Variants in UAP1L1 observed in about 807,000 individuals in gnomAD.
The protein encoded by UAP1L1 is UDP-N-acetylglucosamine pyrophosphorylase 1 like 1.
In UAP1L1, 45 loss-of-function variants were observed where a neutral mutation model predicts 45.3. The observed-to-expected ratio is 0.99, with a 90% CI of 0.78 to 1.27. The LOEUF is 1.27. Among genes scored for constraint, UAP1L1 ranks in the 50% most tolerant of loss-of-function variants. The pLI, the probability that UAP1L1 is intolerant of heterozygous loss-of-function variation, is 0.00. For synonymous variants in UAP1L1, 323 were observed against 303.9 expected, an observed-to-expected ratio of 1.06 and a Z score of -0.65; for missense variants, 667 against 694.0, an observed-to-expected ratio of 0.96 and a Z score of 0.44.
chr9:137,081,925 CG>C (rs1415771117), intron 7 of UAP1L1, 72 bp from the exon 8 acceptor site: 21 of 1,390,536 alleles, frequency 1.5e-5, no homozygotes, highest in Non-Finnish European at 5.0e-6. Flanking sequence ...AGTCTCCTAT[CG>C]GGACTGGGGG....
rs1341344545 is a variant in UAP1L1 at position 137,083,118 on chromosome 9, C to T, written c.*389C>T. The T allele has an allele frequency of 4.7e-6, 1 of 211,070 alleles. No homozygotes were observed. The highest frequency in any genetic ancestry group is 9.9e-6 in the Non-Finnish European group (1 of 100,850). The allele number at this position is 211,070 out of a possible 1,614,324, so 13.1% of individuals were successfully genotyped here. A position where few individuals can be genotyped will look rare whatever the true frequency, so the allele number is the denominator to read the frequency against. On this transcript the variant is annotated 3_prime_UTR_variant, in exon 9 of 9. Transcript: ENST00000409858. ...GTGTCATCTGGGGAGAACAGGAGGG[C>T]ATGTCCCTTTGGGAGCCCGCCTTGT...
rs530235633 is a variant in UAP1L1 at position 137,080,744 on chromosome 9, G to A, written c.1234G>A (p.Ala412Thr). The change falls in exon 7 of 9, where the codon GCA becomes ACA. Residue 412 changes from alanine to threonine, a missense_variant. Ala to Thr is a moderately conservative substitution (Grantham distance 58, BLOSUM62 0). Coordinates refer to ENST00000409858, the MANE Select transcript of UAP1L1 (RefSeq NM_207309.3). Reference sequence around the variant, plus strand: ...GGAGGAATTTTCCCCACTGAAGAACGCAGAGCCAGCCGACAGGGACAGTCC... The same window carrying A: ...GGAGGAATTTTCCCCACTGAAGAACACAGAGCCAGCCGACAGGGACAGTCC... ...REEEFSPLKNAEPADRDSPRT... is the reference protein window; with the variant it reads ...REEEFSPLKNTEPADRDSPRT... 4.1e-5 allele frequency: 66 copies of A among 1,612,756 alleles called. 2 individuals carry two copies. The highest frequency in any genetic ancestry group is 3.7e-4 in the South Asian group (34 of 91,070).
In UAP1L1 at chr9:137,082,708, G is replaced by T. The variant is rs983724320; in HGVS notation, c.1503G>T (p.Glu501Asp). 2 of 1,550,710 alleles carry T rather than the reference G, an allele frequency of 1.3e-6. No homozygotes were observed. The highest frequency in any genetic ancestry group is 3.9e-5 in the Admixed American group (2 of 51,106). The change falls in exon 9 of 9, where the codon GAG becomes GAT. Residue 501 changes from glutamate to aspartate, a missense_variant. By Grantham distance (45) the Glu-to-Asp change is conservative. Coordinates refer to ENST00000409858, the MANE Select transcript of UAP1L1 (RefSeq NM_207309.3). This position sits in a 1 kb window ranked among gnomAD's most constrained non-coding sequence, Gnocchi z 5.7. ...TCCTGGATGAAGACCAGGCCAGGGA[G>T]CCGCAGCTGCAGGAGTCCTGACCCG... ...PLILDEDQAREPQLQES is the reference protein window; with the variant it reads ...PLILDEDQARDPQLQES
intron 4 of UAP1L1, 43 bp from the exon 5 acceptor site, chr9:137,079,213 C>T (rs1832749954): frequency 4.4e-6 from 7 of 1,595,432 alleles, no homozygotes; most frequent in African/African-American, 2.7e-5. Context: ...GAGCCCCGCC[C>T]CTCCGCCCAG....
rs1832799368 is a variant in UAP1L1 at position 137,082,228 on chromosome 9, T to TG, written c.1431+168dup. On this transcript the variant is annotated intron_variant, in intron 8 of 8. Transcript: ENST00000409858. The surrounding 1 kb of genome is among the most constrained non-coding windows in gnomAD (Gnocchi z 5.7). ...AGACTTTCCAAGATATGGGTTGGGG[T>TG]GGGGTGAGGCATCCAGAGGCCTTTG... 1 of 710,108 alleles carries TG rather than the reference T, an allele frequency of 1.4e-6. No individual in the cohort carries two copies. Among genetic ancestry groups the TG allele is most frequent in the African/African-American group, 1.8e-5 (1 of 56,558 alleles). 44.0% of individuals were successfully genotyped at this position (710,108 alleles called of 1,614,324 possible). A position where few individuals can be genotyped will look rare whatever the true frequency, so the allele number is the denominator to read the frequency against.
At position 137,082,813 on chromosome 9, in the gene UAP1L1, C is replaced by T; in HGVS notation, c.*84C>T. 8.4e-7 allele frequency: 1 copy of T among 1,197,338 alleles called. No individual in the cohort carries two copies. The highest frequency in any genetic ancestry group is 1.2e-6 in the Non-Finnish European group (1 of 845,766). 74.2% of individuals were successfully genotyped at this position (1,197,338 alleles called of 1,614,324 possible). On this transcript the variant is annotated 3_prime_UTR_variant, in exon 9 of 9. Transcript: ENST00000409858. This position sits in a 1 kb window ranked among gnomAD's most constrained non-coding sequence, Gnocchi z 5.7. ...CCCGACTCCCCCCAGACCTGCCAGC[C>T]CCGGCGTCCTGGAGCTGGGGGCTAC...
chr9:137,078,379 G>A (rs374118752), intron 2 of UAP1L1, 123 bp from the exon 3 acceptor site: 1 of 1,575,738 alleles, frequency 6.3e-7, no homozygotes, highest in Non-Finnish European at 8.6e-7. Flanking sequence ...GGCCCAAAAT[G>A]GGGCCTGGCC....
intron 3 of UAP1L1, 43 bp from the exon 4 acceptor site, chr9:137,078,933 T>G: frequency 1.9e-6 from 3 of 1,549,388 alleles, no homozygotes; most frequent in Non-Finnish European, 2.6e-6. Context: ...GAGCGATCCC[T>G]GGCGGGAGCC....
In UAP1L1 at chr9:137,083,103, G is replaced by A. The variant is rs1036115115; in HGVS notation, c.*374G>A. ...CCCAAGGGAGGTGTGGTGTCATCTG[G>A]GGAGAACAGGAGGGCATGTCCCTTT... On this transcript the variant is annotated 3_prime_UTR_variant, in exon 9 of 9. Transcript: ENST00000409858. 4.1e-5 allele frequency: 10 copies of A among 242,672 alleles called. No homozygotes were observed. The highest frequency in any genetic ancestry group is 8.9e-5 in the Admixed American group (2 of 22,370). 15.0% of individuals were successfully genotyped at this position (242,672 alleles called of 1,614,324 possible). A position where few individuals can be genotyped will look rare whatever the true frequency, so the allele number is the denominator to read the frequency against.
At chr9:137,080,395 C>G in intron 6 of UAP1L1, 1 of 593,498 alleles carries the variant, frequency 1.7e-6, no homozygotes, top group South Asian at 2.1e-5. Context: ...ACTGCCCCCA[C>G]CCATGGTTAG....
rs1832713421 is a variant in UAP1L1, at chr9:137,077,709, C to A, written c.177C>A (p.Arg59=). ...HCRRAAEACA[R]PHGPPPDLAA... Reference sequence around the variant, plus strand: ...GGCGGGCGGCGGAGGCCTGCGCGCGCCCCCACGGCCCGCCGCCCGACTTGG... The same window carrying A: ...GGCGGGCGGCGGAGGCCTGCGCGCGACCCCACGGCCCGCCGCCCGACTTGG... Residue 59 remains arginine (R), a synonymous_variant, in exon 1 of 9, where the codon CGC becomes CGA. Transcript: ENST00000409858. This position sits in a 1 kb window ranked among gnomAD's most constrained non-coding sequence, Gnocchi z 4.7. 8.7e-7 allele frequency: 1 copy of A among 1,152,114 alleles called. No individual in the cohort carries two copies. Among genetic ancestry groups the A allele is most frequent in the East Asian group, 4.1e-5 (1 of 24,220 alleles). 71.4% of individuals were successfully genotyped at this position (1,152,114 alleles called of 1,614,324 possible).
chr9:137,078,373 C>T, intron 2 of UAP1L1, 119 bp downstream of exon 2: 9 of 1,572,132 alleles, frequency 5.7e-6, no homozygotes, highest in Non-Finnish European at 7.8e-6. Flanking sequence ...AGAACCGGCC[C>T]AAAATGGGGC....
rs1350793233 is a variant in UAP1L1 at position 137,077,581 on chromosome 9, G to C, written c.49G>C (p.Glu17Gln). ...VRARLQRAGQEHLLRFWAELA... is the reference protein window; with the variant it reads ...VRARLQRAGQQHLLRFWAELA... ...CGCCCGGCTGCAGCGCGCTGGCCAG[G>C]AGCACCTCCTGCGCTTCTGGGCCGA... The change falls in exon 1 of 9, where the codon GAG (glutamate) becomes CAG (glutamine). Residue 17 changes from glutamate to glutamine, a missense_variant. Transcript: ENST00000409858. This position sits in a 1 kb window ranked among gnomAD's most constrained non-coding sequence, Gnocchi z 4.7. The C allele has an allele frequency of 2.1e-6, 3 of 1,395,610 alleles. No homozygotes were observed. The Admixed American group carries it at 8.1e-5, about 37-fold the overall frequency. 86.5% of individuals were successfully genotyped at this position (1,395,610 alleles called of 1,614,324 possible). A position where few individuals can be genotyped will look rare whatever the true frequency, so the allele number is the denominator to read the frequency against.
At position 137,077,542 on chromosome 9, in the gene UAP1L1, G is replaced by A; in HGVS notation, c.10G>A (p.Glu4Lys). Residue 4 changes from glutamate (E) to lysine (K), a missense_variant, in exon 1 of 9, where the codon GAG becomes AAG. Glu to Lys is a moderately conservative substitution (Grantham distance 56). Coordinates refer to ENST00000409858, the MANE Select transcript of UAP1L1 (RefSeq NM_207309.3). The surrounding 1 kb of genome is among the most constrained non-coding windows in gnomAD (Gnocchi z 4.7). ...AGACGGCAGCGGCGACATGGCTTCGGAGCAGGACGTGCGCGCCCGGCTGCA... is the reference window on the plus strand; with the variant it reads ...AGACGGCAGCGGCGACATGGCTTCGAAGCAGGACGTGCGCGCCCGGCTGCA... MAS[E>K]QDVRARLQRA... 1 of 1,387,236 alleles carries A rather than the reference G, an allele frequency of 7.2e-7. No individual in the cohort carries two copies. The highest frequency in any genetic ancestry group is 9.4e-7 in the Non-Finnish European group (1 of 1,062,642). The allele number at this position is 1,387,236 out of a possible 1,614,324, so 85.9% of individuals were successfully genotyped here.
rs1832827075 is a variant in UAP1L1 at position 137,083,715 on chromosome 9, G to T, written c.*986G>T. ...GCTGGGACAAGCCAGCTGCCCCAGG[G>T]TTCTTCCCCTGGTGATTCTCGCCTG... On this transcript the variant is annotated 3_prime_UTR_variant, in exon 9 of 9. Transcript: ENST00000409858. 6.6e-6 allele frequency: 1 copy of T among 152,262 alleles called. No individual in the cohort carries two copies. Among genetic ancestry groups the T allele is most frequent in the African/African-American group, 2.4e-5 (1 of 41,452 alleles). The allele number at this position is 152,262 out of a possible 1,614,324, so 9.4% of individuals were successfully genotyped here. A position where few individuals can be genotyped will look rare whatever the true frequency, so the allele number is the denominator to read the frequency against.
At position 137,079,080 on chromosome 9, in the gene UAP1L1, C is replaced by T. The variant is rs774650121; in HGVS notation, c.775C>T (p.Leu259=). Residue 259 remains leucine, a synonymous_variant, in exon 4 of 9, where the codon CTG becomes TTG. Coordinates refer to ENST00000409858, the MANE Select transcript of UAP1L1 (RefSeq NM_207309.3). ...GCACGTGTACTGTGTGGACAACATCCTGGTGCGGCTGGCGGACCCTGTCTT... is the reference window on the plus strand; with the variant it reads ...GCACGTGTACTGTGTGGACAACATCTTGGTGCGGCTGGCGGACCCTGTCTT... ...FVHVYCVDNI[L]VRLADPVFIG... is the part of the protein sequence containing the mutation. The T allele has an allele frequency of 6.2e-7, 1 of 1,610,392 alleles. No individual in the cohort carries two copies. The highest frequency in any genetic ancestry group is 1.1e-5 in the South Asian group (1 of 90,658).
intron 7 of UAP1L1, among the ~76,000 whole-genome samples, 180 bp downstream of exon 7, chr9:137,081,054 G>C (rs1436127236): frequency 6.6e-6 from 1 of 152,176 alleles, no homozygotes; most frequent in South Asian, 2.1e-4. Context: ...GGTGACTGTC[G>C]GCACAGCCTC....
rs370904086 is a variant in UAP1L1, at chr9:137,082,733, G to T, written c.*4G>T. ...GCCGCAGCTGCAGGAGTCCTGACCC[G>T]CCCAGACTGTCCCCAGACTCCCCCG... On this transcript the variant is annotated 3_prime_UTR_variant, in exon 9 of 9. Transcript: ENST00000409858. This position sits in a 1 kb window ranked among gnomAD's most constrained non-coding sequence, Gnocchi z 5.7. 6.5e-7 allele frequency: 1 copy of T among 1,546,444 alleles called. No homozygotes were observed. The highest frequency in any genetic ancestry group is 1.4e-5 in the African/African-American group (1 of 73,046).
chr9:137,079,169 CGCCCCGCACCCGAGGCTG>C, intron 4 of UAP1L1, 21 bp downstream of exon 4: 2 of 1,599,404 alleles, frequency 1.3e-6, no homozygotes, highest in Non-Finnish European at 8.5e-7. Context: ...GACTGCGCGG[CGCCCCGCACCCGAGGCTG>C]GCCCCGCCCC....
Sources: gnomAD v4.1 joint callset for allele counts (sites outside exome capture counted in the v4.1 genomes callset) on GRCh38, gnomAD v4.1.1 for gene constraint, Gnocchi (gnomAD v3.1) non-coding constraint, MANE v1.5 for transcripts, NCBI Gene and HGNC (gene_info 2026-07-23, HGNC 2026-07-21) for gene names.